Variants in PTPRD observed in about 807,000 individuals in gnomAD.
The protein encoded by PTPRD is receptor-type tyrosine-protein phosphatase delta.
Under a neutral mutation model 214.5 loss-of-function variants are expected in PTPRD, and 34 were observed. The ratio of observed to expected loss-of-function variants is 0.16; its 90% CI spans 0.12 to 0.21. PTPRD has a LOEUF of 0.21. Among genes scored for constraint, PTPRD ranks in the 10% least tolerant of loss-of-function variants. The probability of loss-of-function intolerance (pLI) is 1.00; values close to 1 mark genes in which losing one functional copy is unlikely to be tolerated. For missense variants in PTPRD, 2,545 were observed against 2,398.7 expected, an observed-to-expected ratio of 1.06 and a Z score of -1.27; for synonymous variants, 1,128 against 845.7, an observed-to-expected ratio of 1.33 and a Z score of -5.79.
At chr9:9,209,140 C>T (rs765409800) in intron 9 of PTPRD, among the ~76,000 whole-genome samples, 3 of 152,028 alleles carry the variant, frequency 2.0e-5, no homozygotes, top group Non-Finnish European at 4.4e-5. Context: ...TATACTCCCA[C>T]CAATGATGTA....
At chr9:10,555,467 GC>G (rs1340730979) in intron 2 of PTPRD, among the ~76,000 whole-genome samples, 1 of 152,138 alleles carries the variant, frequency 6.6e-6, no homozygotes, top group Non-Finnish European at 1.5e-5. Context: ...GTATTCCCTT[GC>G]AGTTCTGGGC....
chr9:9,623,777 T>C (rs978379840), intron 7 of PTPRD, among the ~76,000 whole-genome samples: 7 of 152,306 alleles, frequency 4.6e-5, no homozygotes, highest in Admixed American at 6.5e-5. Flanking sequence ...CCACAATACA[T>C]TGACAGTCAA....
chr9:10,344,235 C>G (rs1316576257), intron 2 of PTPRD, among the ~76,000 whole-genome samples: 1 of 151,852 alleles, frequency 6.6e-6, no homozygotes, highest in African/African-American at 2.4e-5. Flanking sequence ...CCAGTTTCAT[C>G]TTTCTACATA....
At chr9:9,275,199 T>TATAATATA (rs1491465404) in intron 9 of PTPRD, among the ~76,000 whole-genome samples, 1 of 10,394 alleles carries the variant, frequency 9.6e-5, no homozygotes, top group Non-Finnish European at 2.3e-4. Flanking sequence ...TATATATATA[T>TATAATATA]TATATATATA....
rs10977970 is a variant in PTPRD, at chr9:9,774,194, C to T, written c.-367-7343G>A. 0.038 allele frequency among the ~76,000 whole-genome samples: 5,810 copies of T among 152,216 alleles called. 556 individuals carry two copies. The East Asian group carries it at 0.38, about 10-fold the overall frequency. On this transcript the variant is annotated intron_variant, in intron 5 of 45. Coordinates refer to ENST00000381196, the MANE Select transcript of PTPRD (RefSeq NM_002839.4). ...AGAAATGATGAATCTTCAGGTGCTA[C>T]TTGGCTCTTCAAGATCATTAAAACA...
intron 10 of PTPRD, among the ~76,000 whole-genome samples, chr9:9,076,772 C>A (rs1031132293): frequency 5.4e-5 from 8 of 148,688 alleles, no homozygotes; most frequent in African/African-American, 2.0e-4. Context: ...GTGCAGATAT[C>A]TCTTCAATAT....
intron 9 of PTPRD, among the ~76,000 whole-genome samples, chr9:9,314,394 A>G (rs1961274226): frequency 6.6e-6 from 1 of 152,282 alleles, no homozygotes; most frequent in Non-Finnish European, 1.5e-5. Context: ...TGTGGTGTCA[A>G]ACACATGGGT....
intron 9 of PTPRD, among the ~76,000 whole-genome samples, chr9:9,265,261 G>GTTTA (rs537847639): frequency 4.6e-5 from 7 of 151,488 alleles, no homozygotes; most frequent in African/African-American, 1.7e-4. Flanking sequence ...ATTGACTTGT[G>GTTTA]TTTATTTATT....
At chr9:9,598,366 A>C (rs1386563791) in intron 7 of PTPRD, among the ~76,000 whole-genome samples, 1 of 152,024 alleles carries the variant, frequency 6.6e-6, no homozygotes, top group Non-Finnish European at 1.5e-5. Flanking sequence ...GAGAAGAAAA[A>C]GGAGAGGAAA....
chr9:8,847,303 T>G (rs1039778792), intron 11 of PTPRD, among the ~76,000 whole-genome samples: 1 of 152,056 alleles, frequency 6.6e-6, no homozygotes, highest in Non-Finnish European at 1.5e-5. Flanking sequence ...TTTATTAAAC[T>G]TATCATTCTT....
intron 8 of PTPRD, among the ~76,000 whole-genome samples, chr9:9,476,425 C>T (rs10816142): frequency 0.69 from 105,274 of 152,048 alleles, 36,500 homozygotes; most frequent in South Asian, 0.73. Flanking sequence ...AGGATTATAA[C>T]AGATTTTGTA....
At chr9:8,522,174 A>G (rs2097904181) in intron 19 of PTPRD, among the ~76,000 whole-genome samples, 1 of 152,344 alleles carries the variant, frequency 6.6e-6, no homozygotes, top group East Asian at 1.9e-4. Context: ...ACAGAAGAAG[A>G]AACAGGCTAA....
At chr9:9,601,140 TGTGTGTGTG>T (rs1563976479) in intron 7 of PTPRD, among the ~76,000 whole-genome samples, 16 of 120,516 alleles carry the variant, frequency 1.3e-4, no homozygotes, top group East Asian at 4.5e-4. Flanking sequence ...TGTGTGTGTG[TGTGTGTGTG>T]TATGGGGGGG....
At chr9:10,261,658 C>T (rs761306442) in intron 3 of PTPRD, among the ~76,000 whole-genome samples, 1 of 152,008 alleles carries the variant, frequency 6.6e-6, no homozygotes, top group African/African-American at 2.4e-5. Context: ...AGTATAATTT[C>T]TAGTGTTTAA....
chr9:9,531,307 C>T (rs1262673337), intron 8 of PTPRD, among the ~76,000 whole-genome samples: 1 of 152,072 alleles, frequency 6.6e-6, no homozygotes, highest in Non-Finnish European at 1.5e-5. Context: ...TTTCAGCTCT[C>T]AGAAATGACA....
At chr9:10,574,821 T>C (rs1208623308) in intron 2 of PTPRD, among the ~76,000 whole-genome samples, 1 of 135,408 alleles carries the variant, frequency 7.4e-6, no homozygotes, top group Non-Finnish European at 1.7e-5. Context: ...TGCATATATA[T>C]ATATATATAT....
intron 14 of PTPRD, among the ~76,000 whole-genome samples, chr9:8,551,026 C>T (rs2081949396): frequency 6.6e-6 from 1 of 152,164 alleles, no homozygotes; most frequent in Non-Finnish European, 1.5e-5. Flanking sequence ...TCCTGGCACT[C>T]CCATGATACC....
At chr9:9,706,417 T>C (rs570699950) in intron 7 of PTPRD, among the ~76,000 whole-genome samples, 90 of 152,076 alleles carry the variant, frequency 5.9e-4, no homozygotes, top group Non-Finnish European at 1.0e-3. Context: ...CAATATGTCA[T>C]TGCACATCAC....
At chr9:8,494,023 C>T (rs1351823736) in intron 26 of PTPRD, among the ~76,000 whole-genome samples, 1 of 151,162 alleles carries the variant, frequency 6.6e-6, no homozygotes, top group South Asian at 2.1e-4. Context: ...CACACACACA[C>T]ACACACACAC....
Sources: gnomAD v4.1 joint callset for allele counts (sites outside exome capture counted in the v4.1 genomes callset) on GRCh38, gnomAD v4.1.1 for gene constraint, MANE v1.5 for transcripts, NCBI Gene and HGNC (gene_info 2026-07-23, HGNC 2026-07-21) for gene names.